SRGAP2C: variants seen among roughly 807,000 people sequenced by gnomAD.
The protein encoded by SRGAP2C is SLIT-ROBO Rho GTPase-activating protein 2C.
In SRGAP2C, 15 loss-of-function variants were observed where a neutral mutation model predicts 25.1. The observed-to-expected ratio is 0.60, with a 90% CI of 0.40 to 0.92. SRGAP2C has a LOEUF of 0.92. Among genes scored for constraint, SRGAP2C ranks in the 40% least tolerant of loss-of-function variants. The probability of loss-of-function intolerance (pLI) is 0.00; values close to 1 mark genes in which losing one functional copy is unlikely to be tolerated. For missense variants in SRGAP2C, 144 were observed against 264.4 expected (o/e 0.54, Z 3.16); for synonymous variants, 44 against 96.6 (o/e 0.46, Z 3.19).
At chr1:121,315,997 CATGCAGCCA>C (rs1268826912) in intron 3 of SRGAP2C, among the ~76,000 whole-genome samples, 1 of 87,692 alleles carries the variant, frequency 1.1e-5, no homozygotes, top group Non-Finnish European at 2.2e-5. Flanking sequence ...GATAATGACA[CATGCAGCCA>C]ATCTGATGAC....
rs1654455094 is a variant in SRGAP2C at position 121,184,977 on chromosome 1, G to T, written c.-690G>T. 6.0e-6 allele frequency: 3 copies of T among 501,914 alleles called. No homozygotes were observed. Among genetic ancestry groups the T allele is most frequent in the Non-Finnish European group, 1.0e-5 (3 of 287,322 alleles). 31.1% of individuals were successfully genotyped at this position (501,914 alleles called of 1,614,324 possible). A position where few individuals can be genotyped will look rare whatever the true frequency, so the allele number is the denominator to read the frequency against. ...AGGGGTGGGCTCTACTTCCCGGCGGGGTCCTGCGGAGTTGGCGGAGGCGGC... is the reference window on the plus strand; with the variant it reads ...AGGGGTGGGCTCTACTTCCCGGCGGTGTCCTGCGGAGTTGGCGGAGGCGGC... On this transcript the variant is annotated 5_prime_UTR_variant, in exon 1 of 10. Transcript: ENST00000367123.
chr1:121,365,397 A>T lies in SRGAP2C; in HGVS notation c.486+42A>T, dbSNP rs1361856355. On this transcript the variant is annotated intron_variant, in intron 5 of 9. Transcript: ENST00000367123. ...GCTTGGCTCTTTAACAAGCAGAGGG[A>T]AGCAGCATTTGGCAGCTTGCAGCCA... is the stretch of plus-strand genomic sequence containing the variant. 1.2e-5 allele frequency: 5 copies of T among 401,136 alleles called. 2 individuals carry two copies. The highest frequency in any genetic ancestry group is 1.5e-4 in the East Asian group (2 of 13,374). The allele number at this position is 401,136 out of a possible 1,614,324, so 24.8% of individuals were successfully genotyped here. A position where few individuals can be genotyped will look rare whatever the true frequency, so the allele number is the denominator to read the frequency against.
At chr1:121,346,797 C>T (rs1658755881) in intron 4 of SRGAP2C, among the ~76,000 whole-genome samples, 1 of 151,516 alleles carries the variant, frequency 6.6e-6, no homozygotes, top group African/African-American at 2.4e-5. Context: ...GGAATAGTTA[C>T]ATGTCCCAGG....
intron 2 of SRGAP2C, among the ~76,000 whole-genome samples, chr1:121,218,695 C>T (rs1374195331): frequency 2.7e-5 from 4 of 150,840 alleles, no homozygotes; most frequent in Admixed American, 6.6e-5. Flanking sequence ...TGCAGTGAGC[C>T]GAGATCACAC....
At chr1:121,223,257 C>A (rs1449194204) in intron 2 of SRGAP2C, among the ~76,000 whole-genome samples, 1 of 147,390 alleles carries the variant, frequency 6.8e-6, no homozygotes, top group South Asian at 2.2e-4. Context: ...TAGTTTTGTA[C>A]CTGCTGTTTC....
chr1:121,305,206 A>G (rs1657802263), intron 3 of SRGAP2C, among the ~76,000 whole-genome samples: 1 of 151,490 alleles, frequency 6.6e-6, no homozygotes, highest in South Asian at 2.1e-4. Context: ...AGAATCCAGC[A>G]TCAGCATCAG....
At chr1:121,196,920 A>G (rs1460684630) in intron 2 of SRGAP2C, among the ~76,000 whole-genome samples, 4 of 150,838 alleles carry the variant, frequency 2.7e-5, no homozygotes, top group Admixed American at 2.0e-4. Context: ...ATCTTGCACA[A>G]TGTCACCAGA....
At chr1:121,279,974 T>C (rs1295982673) in intron 2 of SRGAP2C, among the ~76,000 whole-genome samples, 18 of 151,748 alleles carry the variant, frequency 1.2e-4, no homozygotes, top group Middle Eastern at 6.8e-3. Flanking sequence ...CAGATGGTGC[T>C]CAACAGAATA....
chr1:121,315,206 C>T (rs1381306615), intron 3 of SRGAP2C, among the ~76,000 whole-genome samples: 1 of 151,062 alleles, frequency 6.6e-6, no homozygotes, highest in Non-Finnish European at 1.5e-5. Flanking sequence ...TTTACAGGCA[C>T]AATCATTGTG....
At chr1:121,202,279 C>G (rs1655002720) in intron 2 of SRGAP2C, among the ~76,000 whole-genome samples, 1 of 152,220 alleles carries the variant, frequency 6.6e-6, no homozygotes, top group Non-Finnish European at 1.5e-5. Flanking sequence ...ATGAAACTTT[C>G]AAGGTGTTGG....
At chr1:121,222,996 A>G (rs1183327556) in intron 2 of SRGAP2C, among the ~76,000 whole-genome samples, 8 of 151,950 alleles carry the variant, frequency 5.3e-5, no homozygotes, top group South Asian at 4.2e-4. Context: ...CAGGTCCACA[A>G]AGGGTCTTGG....
intron 2 of SRGAP2C, among the ~76,000 whole-genome samples, chr1:121,266,896 CCT>C (rs1209985561): frequency 6.6e-6 from 1 of 150,944 alleles, no homozygotes; most frequent in Non-Finnish European, 1.5e-5. Flanking sequence ...TCACATTGAG[CCT>C]CACTTATCAG....
At chr1:121,379,041 G>A (rs1659744422) in intron 7 of SRGAP2C, among the ~76,000 whole-genome samples, 1 of 152,252 alleles carries the variant, frequency 6.6e-6, no homozygotes, top group Admixed American at 6.5e-5. Context: ...GGAGCAGATG[G>A]ATGAATGAAG....
intron 3 of SRGAP2C, chr1:121,315,026 C>G (rs1195334185): frequency 9.6e-7 from 1 of 1,041,052 alleles, no homozygotes; most frequent in East Asian, 3.1e-5. Flanking sequence ...TTATCTTCAG[C>G]TTCTTCAAGG....
At chr1:121,353,081 C>T (rs1358045064) in intron 4 of SRGAP2C, among the ~76,000 whole-genome samples, 4 of 151,254 alleles carry the variant, frequency 2.6e-5, no homozygotes, top group Admixed American at 6.6e-5. Flanking sequence ...CTGAGTGAGA[C>T]TCCATCTCCA....
chr1:121,376,985 G>T (rs1659671359), intron 7 of SRGAP2C, among the ~76,000 whole-genome samples: 2 of 151,548 alleles, frequency 1.3e-5, no homozygotes, highest in African/African-American at 2.4e-5. Context: ...TGATCTCAGG[G>T]GAAGGGAGGG....
intron 4 of SRGAP2C, among the ~76,000 whole-genome samples, chr1:121,328,989 A>T (rs1341445280): frequency 1.5e-5 from 2 of 135,270 alleles, no homozygotes; most frequent in Non-Finnish European, 3.2e-5. Context: ...AGGTGGGCAG[A>T]TCACCTGAGG....
intron 2 of SRGAP2C, among the ~76,000 whole-genome samples, chr1:121,271,433 G>A (rs1221133345): frequency 6.6e-6 from 1 of 151,318 alleles, no homozygotes; most frequent in Non-Finnish European, 1.5e-5. Context: ...GTGAACTGTG[G>A]AGGGCAAAGG....
intron 4 of SRGAP2C, among the ~76,000 whole-genome samples, chr1:121,331,219 C>T (rs1164345461): frequency 6.7e-4 from 43 of 64,404 alleles, no homozygotes; most frequent in African/African-American, 3.3e-3. Flanking sequence ...TTACCTTATG[C>T]ATGTAATACT....
Sources: allele counts gnomAD v4.1 joint callset (sites outside exome capture counted in the v4.1 genomes callset), GRCh38; gene constraint gnomAD v4.1.1; transcripts MANE v1.5; gene names NCBI Gene and HGNC (gene_info 2026-07-23, HGNC 2026-07-21).